TF: variants seen among roughly 807,000 people sequenced by gnomAD.
TF encodes serotransferrin.
In TF, 55 loss-of-function variants were observed where a neutral mutation model predicts 82.4. The ratio of observed to expected loss-of-function variants is 0.67; its 90% CI spans 0.54 to 0.84. The LOEUF is 0.84. TF is among the 40% of genes least tolerant of loss of function. The probability of loss-of-function intolerance (pLI) is 0.00; values close to 1 mark genes in which losing one functional copy is unlikely to be tolerated. For synonymous variants in TF, 332 were observed against 332.6 expected (o/e 1.00, Z 0.02); for missense variants, 737 against 868.4 (o/e 0.85, Z 1.90).
At chr3:133,692,290 T>C in the TF span, among the ~76,000 whole-genome samples, 74 of 152,346 alleles carry the variant, frequency 4.9e-4, 1 homozygote, top group African/African-American at 1.8e-3. Context: ...TCCATTAGTG[T>C]CATCGTGTCA....
chr3:133,734,778 A>G, the TF span, among the ~76,000 whole-genome samples: 1 of 147,182 alleles, frequency 6.8e-6, no homozygotes, highest in South Asian at 2.2e-4. Context: ...TGGTGATGCC[A>G]CAAAAACCCA....
At chr3:133,721,320 A>G in the TF span, among the ~76,000 whole-genome samples, 2 of 152,144 alleles carry the variant, frequency 1.3e-5, no homozygotes, top group East Asian at 3.8e-4. Flanking sequence ...GGAATTTTTA[A>G]ATTTTCCTTT....
chr3:133,768,620 T>TGAGTG (rs8177289), intron 13 of TF, among the ~76,000 whole-genome samples: 86,139 of 150,900 alleles, frequency 0.57, 24,666 homozygotes, highest in Non-Finnish European at 0.59. Context: ...GAATAAACAC[T>TGAGTG]GAGTGGAGAG....
In TF at chr3:133,748,524, T is replaced by C. The variant is rs201540496; in HGVS notation, c.156T>C (p.Asp52=). The C allele has an allele frequency of 3.1e-6, 5 of 1,614,116 alleles. 1 individual carries two copies. The South Asian group carries it at 5.5e-5, about 18-fold the overall frequency. Reference sequence around the variant, plus strand: ...ATATGAAAAGCGTCATTCCATCCGATGGTCCCAGTGTTGCTTGTGTGAAGA... The same window carrying C: ...ATATGAAAAGCGTCATTCCATCCGACGGTCCCAGTGTTGCTTGTGTGAAGA... ...RDHMKSVIPS[D]GPSVACVKKA... The change falls in exon 2 of 17, where the codon GAT becomes GAC. Residue 52 remains aspartate (D), a synonymous_variant. Coordinates refer to ENST00000402696, the MANE Select transcript of TF (RefSeq NM_001063.4).
rs1199654423 is a variant in TF, at chr3:133,794,544, C to T, written c.*15924C>T. On this transcript the variant is annotated 3_prime_UTR_variant, in exon 17 of 17. Transcript: ENST00000402696. ...TTTATGGTTCACTGAGGACAATCAA[C>T]TCCTTCACAACCTAGAAACTGAAGA... The T allele has an allele frequency of 6.6e-6, 1 of 152,202 alleles. No individual in the cohort carries two copies. The highest frequency in any genetic ancestry group is 1.5e-5 in the Non-Finnish European group (1 of 68,030). The allele number at this position is 152,202 out of a possible 1,614,324, so 9.4% of individuals were successfully genotyped here.
the TF span, among the ~76,000 whole-genome samples, chr3:133,671,810 A>G: frequency 1.3e-5 from 2 of 149,872 alleles, no homozygotes; most frequent in African/African-American, 4.9e-5. Context: ...AAAAAAAAAA[A>G]GAAGAAGAAG....
the TF span, among the ~76,000 whole-genome samples, chr3:133,713,144 G>A: frequency 1.2e-4 from 19 of 152,282 alleles, 1 homozygote; most frequent in East Asian, 3.3e-3. Context: ...TAAAATCACA[G>A]GGGGGACACC....
rs970628825 is a variant in TF, at chr3:133,787,005, T to C, written c.*8385T>C. 6.6e-6 allele frequency: 1 copy of C among 152,240 alleles called. No homozygotes were observed. Among genetic ancestry groups the C allele is most frequent in the African/African-American group, 2.4e-5 (1 of 41,456 alleles). The allele number at this position is 152,240 out of a possible 1,614,324, so 9.4% of individuals were successfully genotyped here. A position where few individuals can be genotyped will look rare whatever the true frequency, so the allele number is the denominator to read the frequency against. On this transcript the variant is annotated 3_prime_UTR_variant, in exon 17 of 17. Coordinates refer to ENST00000402696, the MANE Select transcript of TF (RefSeq NM_001063.4). The stretch of plus-strand genomic sequence containing the variant: ...GTAAGCAGTATAGTACTGTCTATAC[T>C]TGTTCAATGGTTTAGAAATGGGAGG...
At chr3:133,662,688 T>C in the TF span, among the ~76,000 whole-genome samples, 10 of 152,064 alleles carry the variant, frequency 6.6e-5, no homozygotes, top group African/African-American at 2.4e-4. Flanking sequence ...CAAACCTTAG[T>C]GATAACCAGC....
At position 133,748,485 on chromosome 3, in the gene TF, G is replaced by A; in HGVS notation, c.117G>A (p.Gln39=). Residue 39 remains glutamine, a synonymous_variant, in exon 2 of 17, where the codon CAG becomes CAA. Coordinates refer to ENST00000402696, the MANE Select transcript of TF (RefSeq NM_001063.4). The part of the protein sequence containing the change: ...AVSEHEATKC[Q]SFRDHMKSVI... The stretch of plus-strand genomic sequence containing the variant: ...CGGAGCATGAGGCCACTAAGTGCCA[G>A]AGTTTCCGCGACCATATGAAAAGCG... 6.2e-7 allele frequency: 1 copy of A among 1,614,178 alleles called. No individual in the cohort carries two copies.
At chr3:133,755,536 A>G in intron 5 of TF, 41 bp downstream of exon 5, 1 of 1,612,742 alleles carries the variant, frequency 6.2e-7, no homozygotes. Flanking sequence ...CCAAAGTGCC[A>G]AATGTCCTCA....
intron 4 of TF, among the ~76,000 whole-genome samples, chr3:133,754,963 T>C (rs1280237229): frequency 6.6e-6 from 1 of 152,214 alleles, no homozygotes; most frequent in African/African-American, 2.4e-5. Context: ...GGTTCTCTTG[T>C]CCACTTCTCT....
chr3:133,790,258 A>G lies in TF; in HGVS notation c.*11638A>G, dbSNP rs1934799080. The G allele has an allele frequency of 6.6e-6, 1 of 152,182 alleles. No individual in the cohort carries two copies. The highest frequency in any genetic ancestry group is 2.4e-5 in the African/African-American group (1 of 41,450). The allele number at this position is 152,182 out of a possible 1,614,324, so 9.4% of individuals were successfully genotyped here. On this transcript the variant is annotated 3_prime_UTR_variant, in exon 17 of 17. Coordinates refer to ENST00000402696, the MANE Select transcript of TF (RefSeq NM_001063.4). ...GGAAATATGTTTCTAAAATTGTGGA[A>G]TTGTTCTTAACTATAAATTCCCATA...
In TF at chr3:133,782,422, T is replaced by TATACAC. The variant is rs1934533130; in HGVS notation, c.*3803_*3804insTACACA. 1 of 150,658 alleles carries TATACAC rather than the reference T, an allele frequency of 6.6e-6. No homozygotes were observed. Among genetic ancestry groups the TATACAC allele is most frequent in the African/African-American group, 2.4e-5 (1 of 40,972 alleles). The allele number at this position is 150,658 out of a possible 1,614,324, so 9.3% of individuals were successfully genotyped here. A position where few individuals can be genotyped will look rare whatever the true frequency, so the allele number is the denominator to read the frequency against. On this transcript the variant is annotated 3_prime_UTR_variant, in exon 17 of 17. Coordinates refer to ENST00000402696, the MANE Select transcript of TF (RefSeq NM_001063.4). ...AGAATGAATGGATAAAGAAACTGTA[T>TATACAC]ACACACACACACACACACAATGGAA...
chr3:133,776,681 T>A (rs1343316610), intron 15 of TF, among the ~76,000 whole-genome samples: 3 of 152,196 alleles, frequency 2.0e-5, no homozygotes, highest in Admixed American at 6.5e-5. Context: ...ATTTAACATC[T>A]TCTTTGACAA....
At chr3:133,771,368 C>A (rs1934251921) in intron 14 of TF, among the ~76,000 whole-genome samples, 1 of 152,178 alleles carries the variant, frequency 6.6e-6, no homozygotes, top group East Asian at 1.9e-4. Context: ...GAAAACTAAT[C>A]AATGTGGAAG....
chr3:133,731,266 G>A, the TF span, among the ~76,000 whole-genome samples: 3 of 152,190 alleles, frequency 2.0e-5, no homozygotes, highest in African/African-American at 4.8e-5. Flanking sequence ...AAGGTCTTGG[G>A]ACTTGACCTG....
chr3:133,685,897 C>G, the TF span, among the ~76,000 whole-genome samples: 1 of 152,248 alleles, frequency 6.6e-6, no homozygotes, highest in African/African-American at 2.4e-5. Context: ...CAAGACAATC[C>G]TAAGCGAAAA....
At position 133,792,053 on chromosome 3, in the gene TF, A is replaced by G. The variant is rs1424471810; in HGVS notation, c.*13433A>G. On this transcript the variant is annotated 3_prime_UTR_variant, in exon 17 of 17. Coordinates refer to ENST00000402696, the MANE Select transcript of TF (RefSeq NM_001063.4). Reference sequence around the variant, plus strand: ...ATTTAGTCTAAATTATGCAGGTCAGATATTAGATTTGCAAAATGCTTTAAG... The same window carrying G: ...ATTTAGTCTAAATTATGCAGGTCAGGTATTAGATTTGCAAAATGCTTTAAG... 3 of 152,230 alleles carry G rather than the reference A, an allele frequency of 2.0e-5. No homozygotes were observed. Among genetic ancestry groups the G allele is most frequent in the Admixed American group, 1.3e-4 (2 of 15,288 alleles). 9.4% of individuals were successfully genotyped at this position (152,230 alleles called of 1,614,324 possible). A position where few individuals can be genotyped will look rare whatever the true frequency, so the allele number is the denominator to read the frequency against.
Sources: allele counts gnomAD v4.1 joint callset (sites outside exome capture counted in the v4.1 genomes callset), GRCh38; gene constraint gnomAD v4.1.1; transcripts MANE v1.5; gene names NCBI Gene and HGNC (gene_info 2026-07-23, HGNC 2026-07-21).